The following RICTOR variants were observed in gnomAD, a reference collection of about 807,000 sequenced individuals.
RICTOR encodes RPTOR independent companion of MTOR complex 2, also known as rapamycin-insensitive companion of mTOR.
Under a neutral mutation model 214.9 loss-of-function variants are expected in RICTOR, and 49 were observed. The ratio of observed to expected loss-of-function variants is 0.23; its 90% CI spans 0.18 to 0.29. RICTOR has a LOEUF of 0.29. Ranked by LOEUF, RICTOR falls within the 10% of genes least tolerant of loss-of-function variation. The pLI is 1.00. For synonymous variants in RICTOR, 717 were observed against 711.3 expected, an observed-to-expected ratio of 1.01 and a Z score of -0.13; for missense variants, 1,625 against 2,047.0, an observed-to-expected ratio of 0.79 and a Z score of 3.98.
At chr5:38,948,402 G>A (rs962545722) in intron 31 of RICTOR, among the ~76,000 whole-genome samples, 1 of 151,964 alleles carries the variant, frequency 6.6e-6, no homozygotes, top group Non-Finnish European at 1.5e-5. Flanking sequence ...ACATTTCTTT[G>A]GTTCCCATAA....
chr5:39,007,537 A>C (rs141544627), intron 3 of RICTOR, among the ~76,000 whole-genome samples: 98 of 152,230 alleles, frequency 6.4e-4, no homozygotes, highest in Non-Finnish European at 1.2e-3. Context: ...TTCCATCCTC[A>C]CCTAGCAAAC....
At chr5:39,065,026 A>G (rs1758795811) in intron 2 of RICTOR, among the ~76,000 whole-genome samples, 1 of 152,198 alleles carries the variant, frequency 6.6e-6, no homozygotes, top group South Asian at 2.1e-4. Flanking sequence ...AGCCCCTTCA[A>G]TTCAAAACTC....
intron 2 of RICTOR, among the ~76,000 whole-genome samples, chr5:39,048,851 A>G (rs1297520066): frequency 1.3e-5 from 2 of 152,206 alleles, no homozygotes; most frequent in African/African-American, 4.8e-5. Flanking sequence ...CCCTTGAGTC[A>G]ATGCAAGACA....
chr5:38,995,022 T>C (rs1405463203), intron 6 of RICTOR, among the ~76,000 whole-genome samples: 1 of 152,212 alleles, frequency 6.6e-6, no homozygotes, highest in African/African-American at 2.4e-5. Flanking sequence ...CCGCATGTGT[T>C]ATCAAAACAG....
intron 36 of RICTOR, among the ~76,000 whole-genome samples, chr5:38,943,541 C>T (rs920458711): frequency 3.9e-5 from 6 of 152,210 alleles, no homozygotes; most frequent in South Asian, 2.1e-4. Flanking sequence ...TGGCTGGGCA[C>T]GGTGGCTCAT....
chr5:38,946,894 G>C (rs541368233), intron 32 of RICTOR, among the ~76,000 whole-genome samples: 18 of 152,116 alleles, frequency 1.2e-4, no homozygotes, highest in African/African-American at 4.1e-4. Context: ...ACATATGGCT[G>C]GCTACCTTTT....
At chr5:39,035,785 A>G (rs140662320) in intron 2 of RICTOR, among the ~76,000 whole-genome samples, 6,851 of 152,150 alleles carry the variant, frequency 0.045, 285 homozygotes, top group African/African-American at 0.1. Context: ...AAAAAGAAAC[A>G]AACAAAGCCT....
chr5:39,017,069 T>C (rs1450271527), intron 3 of RICTOR, among the ~76,000 whole-genome samples: 1 of 152,114 alleles, frequency 6.6e-6, no homozygotes, highest in Non-Finnish European at 1.5e-5. Context: ...CGCAACACTA[T>C]TCTAGATTTT....
intron 3 of RICTOR, among the ~76,000 whole-genome samples, chr5:39,017,699 C>T (rs946051630): frequency 6.6e-6 from 1 of 152,070 alleles, no homozygotes; most frequent in Non-Finnish European, 1.5e-5. Context: ...ATTTATTGCA[C>T]AATACTACAT....
At chr5:38,989,025 A>G (rs1263740776) in intron 7 of RICTOR, among the ~76,000 whole-genome samples, 1 of 152,198 alleles carries the variant, frequency 6.6e-6, no homozygotes, top group East Asian at 1.9e-4. Context: ...TAAATTTCAT[A>G]TGGAACCAAA....
Position 38,959,780 on chromosome 5 carries a change from A to G in RICTOR, c.2050T>C (p.Cys684Arg), listed in dbSNP as rs1749622170. The change falls in exon 21 of 38, where the codon TGT becomes CGT. Residue 684 changes from cysteine to arginine, a missense_variant and splice_region_variant. Cys to Arg is a radical substitution (Grantham distance 180). Transcript: ENST00000357387. ...KMLEKCSVFQCLLNLCSLKNQ... is the reference protein window; with the variant it reads ...KMLEKCSVFQRLLNLCSLKNQ... ...GCAACAAAATCTGGGAATGCTCACC[A>G]CTGAAATACACTGCATTTTTCCAGC... 6.2e-7 allele frequency: 1 copy of G among 1,606,822 alleles called. No individual in the cohort carries two copies.
chr5:38,999,793 G>A (rs986957452), intron 5 of RICTOR, among the ~76,000 whole-genome samples: 2 of 151,616 alleles, frequency 1.3e-5, no homozygotes. Context: ...TAAACCACTA[G>A]ACATAAATAG....
intron 37 of RICTOR, 29 bp downstream of exon 37, chr5:38,942,804 T>C: frequency 1.3e-6 from 2 of 1,514,468 alleles, no homozygotes; most frequent in Non-Finnish European, 1.8e-6. Context: ...TCTTGGAAGA[T>C]AAATTTGAGA....
At chr5:39,070,896 G>C (rs760595619) in intron 2 of RICTOR, among the ~76,000 whole-genome samples, 3 of 152,148 alleles carry the variant, frequency 2.0e-5, no homozygotes, top group Admixed American at 6.5e-5. Context: ...AATATCATTA[G>C]CAAATATTGG....
At chr5:39,037,566 G>A (rs191554664) in intron 2 of RICTOR, among the ~76,000 whole-genome samples, 13 of 152,060 alleles carry the variant, frequency 8.5e-5, no homozygotes, top group East Asian at 7.7e-4. Flanking sequence ...TTGATAGAAC[G>A]CTAGCAAGAC....
intron 27 of RICTOR, 147 bp downstream of exon 27, chr5:38,954,627 T>C (rs543798242): frequency 1.7e-6 from 1 of 579,980 alleles, no homozygotes; most frequent in East Asian, 2.9e-5. Context: ...CCTAAGTCAA[T>C]TACAAAATAG....
At chr5:39,004,846 AT>A (rs1753921796) in intron 3 of RICTOR, among the ~76,000 whole-genome samples, 1 of 142,418 alleles carries the variant, frequency 7.0e-6, no homozygotes, top group Non-Finnish European at 1.5e-5. Flanking sequence ...CAATGGTGCA[AT>A]CTCAGCTCAC....
chr5:39,016,319 G>T (rs1029732757), intron 3 of RICTOR, among the ~76,000 whole-genome samples: 1 of 147,710 alleles, frequency 6.8e-6, no homozygotes, highest in Non-Finnish European at 1.5e-5. Context: ...AGGAAGGAGA[G>T]GGGGAACAGA....
In RICTOR at chr5:38,965,861, T is replaced by C. The variant is rs186357518; in HGVS notation, c.1299+780A>G. 2.9e-3 allele frequency among the ~76,000 whole-genome samples: 436 copies of C among 152,226 alleles called. 1 individual carries two copies. Among genetic ancestry groups the C allele is most frequent in the Non-Finnish European group, 5.0e-3 (340 of 67,946 alleles). ...CTAAACAAAAAACATCTGCTAAAAA[T>C]AGCAAACTGTGACATAATTTCAAAA... On this transcript the variant is annotated intron_variant, in intron 15 of 37. Transcript: ENST00000357387.
Sources: gnomAD v4.1 joint callset for allele counts (sites outside exome capture counted in the v4.1 genomes callset) on GRCh38, gnomAD v4.1.1 for gene constraint, MANE v1.5 for transcripts, NCBI Gene and HGNC (gene_info 2026-07-23, HGNC 2026-07-21) for gene names.